GNB4: variants seen among roughly 807,000 people sequenced by gnomAD.
The protein encoded by GNB4 is guanine nucleotide-binding protein subunit beta-4.
GNB4 carries 28 observed loss-of-function variants against 45.2 expected under a neutral mutation model. The observed-to-expected ratio is 0.62, with a 90% CI of 0.46 to 0.85. The LOEUF (loss-of-function observed/expected upper bound fraction) is 0.85. Among genes scored for constraint, GNB4 ranks in the 40% least tolerant of loss-of-function variants. The pLI is 0.00. For synonymous variants in GNB4, 132 were observed against 143.7 expected, an observed-to-expected ratio of 0.92 and a Z score of 0.58; for missense variants, 321 against 425.4, an observed-to-expected ratio of 0.75 and a Z score of 2.16.
chr3:179,520,937 T>G, the GNB4 span, among the ~76,000 whole-genome samples: 4 of 152,150 alleles, frequency 2.6e-5, no homozygotes, highest in African/African-American at 7.2e-5. Context: ...ACCTCTCATT[T>G]CCTTTCCATC....
At chr3:179,420,677 C>T (rs1205609969) in intron 3 of GNB4, among the ~76,000 whole-genome samples, 1 of 151,784 alleles carries the variant, frequency 6.6e-6, no homozygotes, top group African/African-American at 2.4e-5. Context: ...ATTTTTATAG[C>T]ATTTATTTTT....
chr3:179,500,009 A>G, the GNB4 span, among the ~76,000 whole-genome samples: 1 of 152,216 alleles, frequency 6.6e-6, no homozygotes. Flanking sequence ...GATTGCAAAA[A>G]AATTTTCTCC....
chr3:179,452,971 TACTGTAC>T (rs1239905049), upstream of GNB4, among the ~76,000 whole-genome samples: 2 of 152,214 alleles, frequency 1.3e-5, no homozygotes, highest in African/African-American at 4.8e-5. Flanking sequence ...TGCTTTCTTA[TACTGTAC>T]TTAATCCTCA....
intron 6 of GNB4, 81 bp downstream of exon 6, chr3:179,414,804 G>C (rs1577029017): frequency 8.5e-7 from 1 of 1,173,188 alleles, no homozygotes; most frequent in African/African-American, 1.5e-5. Flanking sequence ...AGCCAGCCGA[G>C]CACAATCTGT....
the GNB4 span, among the ~76,000 whole-genome samples, chr3:179,492,963 A>G: frequency 7.2e-5 from 11 of 152,160 alleles, no homozygotes; most frequent in East Asian, 1.9e-4. Context: ...CTTTGCCAAC[A>G]GAGACTTCAG....
the GNB4 span, among the ~76,000 whole-genome samples, chr3:179,467,977 A>G: frequency 6.8e-6 from 1 of 147,130 alleles, no homozygotes; most frequent in Non-Finnish European, 1.5e-5. Context: ...TGTATAATGA[A>G]ATGTGATTCC....
At chr3:179,438,114 A>G (rs1369125894) in intron 1 of GNB4, among the ~76,000 whole-genome samples, 1 of 152,186 alleles carries the variant, frequency 6.6e-6, no homozygotes, top group Non-Finnish European at 1.5e-5. Flanking sequence ...CCGAACTTAA[A>G]AAGTACCAAC....
At chr3:179,525,779 C>T in the GNB4 span, among the ~76,000 whole-genome samples, 11 of 152,114 alleles carry the variant, frequency 7.2e-5, no homozygotes, top group Admixed American at 2.6e-4. Context: ...TGAAGGGTAG[C>T]GAGAGAGGCT....
chr3:179,483,054 G>T, the GNB4 span, among the ~76,000 whole-genome samples: 1 of 152,146 alleles, frequency 6.6e-6, no homozygotes, highest in Admixed American at 6.5e-5. Flanking sequence ...TCATATGTAA[G>T]AAGTCGTAGT....
intron 1 of GNB4, among the ~76,000 whole-genome samples, chr3:179,427,692 A>G (rs940293500): frequency 6.6e-6 from 1 of 152,028 alleles, no homozygotes; most frequent in Non-Finnish European, 1.5e-5. Context: ...CCATCACTTA[A>G]GATACTTTGG....
chr3:179,462,301 T>C, the GNB4 span, among the ~76,000 whole-genome samples: 1 of 152,214 alleles, frequency 6.6e-6, no homozygotes, highest in African/African-American at 2.4e-5. Flanking sequence ...TTTCTGATCT[T>C]TGCAGTACTT....
chr3:179,455,172 C>T (rs1715959707), upstream of GNB4, among the ~76,000 whole-genome samples: 2 of 152,150 alleles, frequency 1.3e-5, no homozygotes, highest in South Asian at 4.1e-4. Context: ...CCAAGTGCAT[C>T]CCAGTGACCT....
At chr3:179,409,808 C>CAAAAAAAAAACAA (rs1714592980) in intron 8 of GNB4, among the ~76,000 whole-genome samples, 2 of 107,324 alleles carry the variant, frequency 1.9e-5, no homozygotes, top group African/African-American at 7.3e-5. Flanking sequence ...GACTCTGTCT[C>CAAAAAAAAAACAA]AAAAAAAAAA....
the GNB4 span, among the ~76,000 whole-genome samples, chr3:179,468,912 C>T: frequency 6.6e-6 from 1 of 152,168 alleles, no homozygotes; most frequent in Non-Finnish European, 1.5e-5. Flanking sequence ...CATTTACAAT[C>T]TATTCTCTCT....
At chr3:179,434,581 T>C (rs1715394500) in intron 1 of GNB4, among the ~76,000 whole-genome samples, 1 of 151,720 alleles carries the variant, frequency 6.6e-6, no homozygotes, top group Non-Finnish European at 1.5e-5. Flanking sequence ...ATGAGCCAGA[T>C]GTCGTGGTGT....
At chr3:179,500,329 T>A in the GNB4 span, among the ~76,000 whole-genome samples, 1 of 152,254 alleles carries the variant, frequency 6.6e-6, no homozygotes, top group Admixed American at 6.5e-5. Flanking sequence ...ATACCATTTA[T>A]TAAATAGGGA....
chr3:179,465,608 C>A, the GNB4 span, among the ~76,000 whole-genome samples: 3 of 152,026 alleles, frequency 2.0e-5, no homozygotes, highest in African/African-American at 7.2e-5. Context: ...TTTAAGCAGA[C>A]TTTCTGATTA....
At chr3:179,464,662 CTTCAAT>C in the GNB4 span, 4 of 1,098,154 alleles carry the variant, frequency 3.6e-6, no homozygotes, top group Admixed American at 1.7e-5. Context: ...GTGAAACCAG[CTTCAAT>C]TTCAGAGGAA....
chr3:179,525,449 G>C, the GNB4 span, among the ~76,000 whole-genome samples: 2 of 152,166 alleles, frequency 1.3e-5, no homozygotes, highest in African/African-American at 4.8e-5. Context: ...AGAGAAAAGA[G>C]AGGGTAGAGA....
Sources: allele counts gnomAD v4.1 joint callset (sites outside exome capture counted in the v4.1 genomes callset), GRCh38; gene constraint gnomAD v4.1.1; transcripts MANE v1.5; gene names NCBI Gene and HGNC (gene_info 2026-07-23, HGNC 2026-07-21).